IRAK1BP1: variants seen among roughly 807,000 people sequenced by gnomAD.
IRAK1BP1 encodes interleukin-1 receptor-associated kinase 1-binding protein 1.
Under a neutral mutation model 28.0 loss-of-function variants are expected in IRAK1BP1, and 24 were observed. The ratio of observed to expected loss-of-function variants is 0.86; its 90% confidence interval spans 0.62 to 1.20. The LOEUF (loss-of-function observed/expected upper bound fraction) is 1.20. Among genes scored for constraint, IRAK1BP1 ranks in the 50% most tolerant of loss-of-function variants. The pLI is 0.00. For missense variants in IRAK1BP1, 336 were observed against 316.7 expected (o/e 1.06, Z -0.46); for synonymous variants, 131 against 116.3 (o/e 1.13, Z -0.81).
In IRAK1BP1 at chr6:78,941,257, A is replaced by C; in HGVS notation, c.*68-4151A>C. ...GTTTCCTTCCAGGTCCCCTCTTCAC[A>C]AGTTTTGATGGCTGTCCTCCATGGC... On this transcript the variant is annotated intron_variant and NMD_transcript_variant, in intron 4 of 4. Coordinates refer to the IRAK1BP1 transcript ENST00000606868. The C allele has an allele frequency of 6.2e-7, 1 of 1,613,570 alleles. No individual in the cohort carries two copies. Among genetic ancestry groups the C allele is most frequent in the Non-Finnish European group, 8.5e-7 (1 of 1,179,606 alleles).
intron 4 of IRAK1BP1, among the ~76,000 whole-genome samples, chr6:78,925,809 A>G (rs1441190353): frequency 6.6e-6 from 1 of 152,204 alleles, no homozygotes; most frequent in Non-Finnish European, 1.5e-5. Context: ...TCACTGGTGG[A>G]GTGGATAAAG....
intron 4 of IRAK1BP1, among the ~76,000 whole-genome samples, chr6:78,944,396 T>C (rs2127680905): frequency 6.6e-6 from 1 of 152,198 alleles, no homozygotes; most frequent in South Asian, 2.1e-4. Flanking sequence ...AGAGAGGGAC[T>C]GGTTAAGAAA....
intron 1 of IRAK1BP1, among the ~76,000 whole-genome samples, chr6:78,880,236 A>G (rs1262584384): frequency 6.6e-6 from 1 of 152,210 alleles, no homozygotes; most frequent in Non-Finnish European, 1.5e-5. Context: ...CAGATTTCAG[A>G]TTTTTATTTT....
At chr6:78,903,157 G>A, downstream of IRAK1BP1, 1 of 1,018,712 alleles carries the variant, frequency 9.8e-7, no homozygotes, top group Non-Finnish European at 1.4e-6. Context: ...CTAAGAAAAA[G>A]CATACTGTAT....
chr6:78,919,131 T>G (rs1377273926), intron 4 of IRAK1BP1, among the ~76,000 whole-genome samples: 1 of 152,114 alleles, frequency 6.6e-6, no homozygotes, highest in African/African-American at 2.4e-5. Flanking sequence ...AGCAGAAATT[T>G]AAAAAGTTCT....
downstream of IRAK1BP1, among the ~76,000 whole-genome samples, chr6:78,948,524 C>A (rs1295390189): frequency 6.6e-6 from 1 of 152,096 alleles, no homozygotes; most frequent in Non-Finnish European, 1.5e-5. Flanking sequence ...GAGACACAGT[C>A]TTGCTGCTGC....
the IRAK1BP1 span, among the ~76,000 whole-genome samples, chr6:78,975,733 GACAA>G: frequency 3.9e-5 from 6 of 151,988 alleles, no homozygotes; most frequent in East Asian, 1.9e-4. Context: ...ACCAACAACG[GACAA>G]ACAGAGAGCC....
rs532377772 is a variant in IRAK1BP1, at chr6:78,902,812, A to G, written c.*4478A>G. ...CATACATACATACATACATACATAC[A>G]TACATACATAAAATGCCCAGTATCT... On this transcript the variant is annotated 3_prime_UTR_variant, in exon 4 of 4. Coordinates refer to ENST00000369940, the MANE Select transcript of IRAK1BP1 (RefSeq NM_001010844.4). 9.6e-4 allele frequency: 297 copies of G among 310,852 alleles called. 1 individual carries two copies. Among genetic ancestry groups the G allele is most frequent in the African/African-American group, 8.9e-3 (261 of 29,300 alleles). The allele number at this position is 310,852 out of a possible 1,614,324, so 19.3% of individuals were successfully genotyped here.
intron 2 of IRAK1BP1, among the ~76,000 whole-genome samples, chr6:78,886,607 T>C (rs1455329473): frequency 6.6e-6 from 1 of 152,156 alleles, no homozygotes; most frequent in Non-Finnish European, 1.5e-5. Context: ...CAGATTGTAA[T>C]AAATATAGAT....
intron 2 of IRAK1BP1, among the ~76,000 whole-genome samples, chr6:78,886,308 T>C (rs1341445479): frequency 6.6e-6 from 1 of 152,186 alleles, no homozygotes; most frequent in Non-Finnish European, 1.5e-5. Flanking sequence ...CCCTGGATTC[T>C]TATCTCTTGA....
intron 2 of IRAK1BP1, among the ~76,000 whole-genome samples, chr6:78,892,209 A>C (rs1000006445): frequency 2.6e-5 from 4 of 152,090 alleles, no homozygotes; most frequent in African/African-American, 9.7e-5. Flanking sequence ...TTATGTAACA[A>C]ACTCTTTCTT....
intron 4 of IRAK1BP1, chr6:78,935,698 CT>C: frequency 1.0e-6 from 1 of 985,050 alleles, no homozygotes; most frequent in Non-Finnish European, 1.2e-6. Context: ...AGTTTTCACA[CT>C]TTGCAAAACA....
chr6:78,884,496 A>C (rs1771342237), intron 1 of IRAK1BP1, among the ~76,000 whole-genome samples: 1 of 152,112 alleles, frequency 6.6e-6, no homozygotes. Flanking sequence ...ATATATAAAT[A>C]TTAGTACTTT....
At chr6:78,919,063 C>A (rs775132403) in intron 4 of IRAK1BP1, among the ~76,000 whole-genome samples, 1 of 152,158 alleles carries the variant, frequency 6.6e-6, no homozygotes, top group African/African-American at 2.4e-5. Flanking sequence ...CAAAACCACA[C>A]AATTACAGGG....
exon 5 of IRAK1BP1, chr6:78,945,629 C>T (rs939883362): frequency 1.4e-5 from 9 of 661,300 alleles, no homozygotes; most frequent in Admixed American, 1.2e-4. Flanking sequence ...CTTAGGAAAG[C>T]TACTTTCTAA....
chr6:78,936,577 C>G (rs976236084), intron 4 of IRAK1BP1: 1 of 151,828 alleles, frequency 6.6e-6, no homozygotes, highest in Non-Finnish European at 1.5e-5. Context: ...AGTATTTGGT[C>G]TGTGCCATAA....
At chr6:78,895,234 C>T (rs939954405) in intron 2 of IRAK1BP1, among the ~76,000 whole-genome samples, 2 of 151,980 alleles carry the variant, frequency 1.3e-5, no homozygotes, top group Non-Finnish European at 2.9e-5. Flanking sequence ...TTAAAACATA[C>T]TTTTCAGTAA....
intron 4 of IRAK1BP1, among the ~76,000 whole-genome samples, chr6:78,943,215 C>CTTG (rs1305738164): frequency 2.6e-5 from 4 of 152,048 alleles, no homozygotes; most frequent in African/African-American, 7.2e-5. Flanking sequence ...CACTAGACAA[C>CTTG]ACTGCTTGAT....
At position 78,908,204 on chromosome 6, in the gene IRAK1BP1, T is replaced by C. The variant is rs552018187; in HGVS notation, c.*67+5094T>C. On this transcript the variant is annotated intron_variant and NMD_transcript_variant, in intron 4 of 4. Transcript: ENST00000606868. Reference sequence around the variant, plus strand: ...TAGCTGGGAATACAGGTGCCCGCCATCATGCCTGGCTAATTTTTTTGTATT... The same window carrying C: ...TAGCTGGGAATACAGGTGCCCGCCACCATGCCTGGCTAATTTTTTTGTATT... 6.4e-4 allele frequency among the ~76,000 whole-genome samples: 97 copies of C among 151,656 alleles called. 1 individual carries two copies. In the South Asian group the frequency reaches 8.1e-3, roughly 13 times the overall value.
Sources: gnomAD v4.1 joint callset for allele counts (sites outside exome capture counted in the v4.1 genomes callset) on GRCh38, gnomAD v4.1.1 for gene constraint, MANE v1.5 for transcripts, NCBI Gene and HGNC (gene_info 2026-07-23, HGNC 2026-07-21) for gene names.